Variants in NRG1 observed in about 807,000 individuals in gnomAD.
NRG1 encodes the protein neuregulin 1.
Under a neutral mutation model 63.8 loss-of-function variants are expected in NRG1, and 18 were observed. The ratio of observed to expected loss-of-function variants is 0.28; its 90% confidence interval spans 0.19 to 0.42. The LOEUF is 0.42. NRG1 is among the 10% of genes least tolerant of loss of function. The pLI, the probability that NRG1 is intolerant of heterozygous loss-of-function variation, is 1.00. For synonymous variants in NRG1, 302 were observed against 301.3 expected (o/e 1.00, Z -0.02); for missense variants, 762 against 814.7 (o/e 0.94, Z 0.79).
chr8:31,929,291 G>C (rs1206695132), intron 1 of NRG1, among the ~76,000 whole-genome samples: 1 of 152,012 alleles, frequency 6.6e-6, no homozygotes, highest in African/African-American at 2.4e-5. Context: ...AGAAAAATAA[G>C]AGGCAGATGT....
intron 1 of NRG1, among the ~76,000 whole-genome samples, chr8:31,938,637 T>A (rs1354350985): frequency 6.6e-6 from 1 of 152,032 alleles, no homozygotes; most frequent in Admixed American, 6.6e-5. Flanking sequence ...AAAGGTGAAG[T>A]CCAACTTAAA....
At chr8:32,035,999 T>C (rs909928266) in intron 1 of NRG1, among the ~76,000 whole-genome samples, 18 of 152,210 alleles carry the variant, frequency 1.2e-4, no homozygotes, top group African/African-American at 4.3e-4. Flanking sequence ...ATTTGCAGAC[T>C]TTTTTGATGA....
intron 1 of NRG1, among the ~76,000 whole-genome samples, chr8:32,493,443 CTTT>C (rs1427619444): frequency 6.6e-6 from 1 of 152,138 alleles, no homozygotes; most frequent in Non-Finnish European, 1.5e-5. Flanking sequence ...ATTATTTCTT[CTTT>C]GTTTAAAATT....
chr8:32,055,962 A>G (rs1305947680), intron 1 of NRG1, among the ~76,000 whole-genome samples: 1 of 152,188 alleles, frequency 6.6e-6, no homozygotes, highest in Non-Finnish European at 1.5e-5. Context: ...TGTATTAAAT[A>G]CAAACCAGAA....
At chr8:32,285,262 C>T (rs1180984094) in intron 1 of NRG1, among the ~76,000 whole-genome samples, 11 of 151,996 alleles carry the variant, frequency 7.2e-5, no homozygotes, top group Non-Finnish European at 1.5e-4. Context: ...ACCTGAAGTT[C>T]GGAGAGGTGG....
At chr8:31,856,428 T>A (rs1442990976) in intron 1 of NRG1, among the ~76,000 whole-genome samples, 1 of 152,258 alleles carries the variant, frequency 6.6e-6, no homozygotes, top group Admixed American at 6.5e-5. Flanking sequence ...TTCTGCATTC[T>A]TCACGTAGTT....
chr8:32,303,152 G>A (rs1275215571), intron 1 of NRG1, among the ~76,000 whole-genome samples: 2 of 119,678 alleles, frequency 1.7e-5, no homozygotes, highest in African/African-American at 6.5e-5. Context: ...TTGCACTCCA[G>A]CTTGGGGCAG....
At chr8:32,034,235 T>C (rs1818698718) in intron 1 of NRG1, among the ~76,000 whole-genome samples, 2 of 152,228 alleles carry the variant, frequency 1.3e-5, no homozygotes, top group Non-Finnish European at 1.5e-5. Flanking sequence ...TGGTTCTGTT[T>C]ATGTGATGAA....
At chr8:32,648,365 C>T in intron 5 of NRG1, 1 of 1,614,056 alleles carries the variant, frequency 6.2e-7, no homozygotes, top group African/African-American at 1.3e-5. Context: ...AAACTAATCT[C>T]CAAACTGCTC....
chr8:31,820,227 C>A (rs1823873853), intron 1 of NRG1, among the ~76,000 whole-genome samples: 1 of 152,154 alleles, frequency 6.6e-6, no homozygotes, highest in African/African-American at 2.4e-5. Context: ...TATCTATCCC[C>A]ATGGGCAGCA....
chr8:32,662,768 C>T (rs1803185620), intron 5 of NRG1, among the ~76,000 whole-genome samples: 2 of 152,062 alleles, frequency 1.3e-5, no homozygotes, highest in Non-Finnish European at 2.9e-5. Context: ...TGATTTCAGT[C>T]TAAGTAGTTG....
intron 1 of NRG1, among the ~76,000 whole-genome samples, chr8:32,460,034 C>T (rs1389543405): frequency 6.6e-6 from 1 of 152,192 alleles, no homozygotes; most frequent in East Asian, 1.9e-4. Context: ...ACTGATAGGT[C>T]TTTTGTCTGT....
intron 1 of NRG1, among the ~76,000 whole-genome samples, chr8:31,713,613 G>C (rs958209913): frequency 2.6e-5 from 4 of 152,002 alleles, no homozygotes; most frequent in African/African-American, 7.3e-5. Context: ...TTGCCCTATT[G>C]ACAGGATAGT....
intron 1 of NRG1, among the ~76,000 whole-genome samples, chr8:31,830,789 A>G (rs887240717): frequency 5.3e-5 from 8 of 152,108 alleles, no homozygotes; most frequent in Admixed American, 5.2e-4. Flanking sequence ...GAAAGAAAAG[A>G]AAAGAACTTC....
chr8:32,313,013 T>C (rs1465876082), intron 1 of NRG1, among the ~76,000 whole-genome samples: 1 of 151,898 alleles, frequency 6.6e-6, no homozygotes, highest in Non-Finnish European at 1.5e-5. Flanking sequence ...ATTAGCCGCG[T>C]GTGGTGGTGG....
intron 1 of NRG1, among the ~76,000 whole-genome samples, chr8:32,132,162 G>A (rs1443713948): frequency 6.6e-6 from 1 of 151,970 alleles, no homozygotes; most frequent in East Asian, 1.9e-4. Flanking sequence ...GACTACAATG[G>A]GAGGCTTATT....
intron 1 of NRG1, among the ~76,000 whole-genome samples, chr8:32,493,550 T>C (rs1314164887): frequency 6.6e-6 from 1 of 152,206 alleles, no homozygotes; most frequent in Non-Finnish European, 1.5e-5. Flanking sequence ...GGGAAATGCA[T>C]CTCAAACAGA....
chr8:32,480,428 A>G (rs1825103981), intron 1 of NRG1, among the ~76,000 whole-genome samples: 1 of 151,276 alleles, frequency 6.6e-6, no homozygotes, highest in African/African-American at 2.4e-5. Context: ...TACATCTCCA[A>G]ATTGCTTAAA....
intron 5 of NRG1, among the ~76,000 whole-genome samples, chr8:32,676,036 CAATAAT>C (rs887030690): frequency 1.7e-4 from 26 of 152,226 alleles, no homozygotes; most frequent in Admixed American, 1.4e-3. Flanking sequence ...GAGATCATGA[CAATAAT>C]AATAATCATG....
Sources: gnomAD v4.1 joint callset for allele counts (sites outside exome capture counted in the v4.1 genomes callset) on GRCh38, gnomAD v4.1.1 for gene constraint, MANE v1.5 for transcripts, NCBI Gene and HGNC (gene_info 2026-07-23, HGNC 2026-07-21) for gene names.